The following TAF3 variants were observed in gnomAD, a reference collection of about 807,000 sequenced individuals.
TAF3 encodes TATA-box binding protein associated factor 3.
TAF3 carries 7 observed loss-of-function variants against 80.6 expected under a neutral mutation model. The ratio of observed to expected loss-of-function variants is 0.09; its 90% CI spans 0.05 to 0.16. TAF3 has a LOEUF of 0.16. Ranked by LOEUF, TAF3 falls within the 10% of genes least tolerant of loss-of-function variation. The probability of loss-of-function intolerance (pLI) is 1.00; values close to 1 mark genes in which losing one functional copy is unlikely to be tolerated. For synonymous variants in TAF3, 444 were observed against 446.1 expected, an observed-to-expected ratio of 1.00 and a Z score of 0.06; for missense variants, 921 against 1,140.2, an observed-to-expected ratio of 0.81 and a Z score of 2.77.
chr10:7,999,681 T>G lies in TAF3; in HGVS notation c.2316-9397T>G, dbSNP rs563029988. Among the ~76,000 whole-genome samples, 3 of 152,278 alleles carry G rather than the reference T, an allele frequency of 2.0e-5. No individual in the cohort carries two copies. The East Asian group carries it at 5.8e-4, about 29-fold the overall frequency. On this transcript the variant is annotated intron_variant, in intron 4 of 6. Coordinates refer to ENST00000344293, the MANE Select transcript of TAF3 (RefSeq NM_031923.4). ...CATGTTGGCCAGGCTGGTCTCAAAC[T>G]CCTGACCTCAGGCAGTCCTCCTGCC...
chr10:8,008,199 C>T (rs1299455844), intron 4 of TAF3, among the ~76,000 whole-genome samples: 6 of 149,142 alleles, frequency 4.0e-5, no homozygotes, highest in Non-Finnish European at 8.9e-5. Flanking sequence ...TGGGTTCAAG[C>T]GATTCTCCTG....
intron 2 of TAF3, among the ~76,000 whole-genome samples, chr10:7,951,448 C>T (rs967734588): frequency 5.9e-5 from 9 of 152,176 alleles, no homozygotes; most frequent in Non-Finnish European, 1.0e-4. Flanking sequence ...TTCATCACCC[C>T]GCAGGCTAAC....
rs1207762349 is a variant in TAF3 at position 8,009,301 on chromosome 10, G to A, written c.2539G>A (p.Val847Met). Residue 847 changes from valine (V) to methionine (M), a missense_variant, in exon 5 of 7, where the codon GTG (valine) becomes ATG (methionine). By Grantham distance (21) the Val-to-Met change is conservative. This residue lies in a region of TAF3 where 27 missense variants were observed against 42.5 expected (regional missense o/e 0.64). Coordinates refer to ENST00000344293, the MANE Select transcript of TAF3 (RefSeq NM_031923.4). The surrounding 1 kb of genome is among the most constrained non-coding windows in gnomAD (Gnocchi z 4.1). ...CAGTGCCAAAGCCCCCGTGCGCAGC[G>A]TGGTGACTGAGACGGTCAGCACCTA... ...GASAKAPVRSVVTETVSTYVI... is the reference protein window; with the variant it reads ...GASAKAPVRSMVTETVSTYVI... 6.3e-7 allele frequency: 1 copy of A among 1,590,112 alleles called. No individual in the cohort carries two copies. The highest frequency in any genetic ancestry group is 1.7e-5 in the Admixed American group (1 of 57,816).
chr10:7,957,524 C>T (rs113837510), intron 2 of TAF3, among the ~76,000 whole-genome samples: 2 of 152,046 alleles, frequency 1.3e-5, no homozygotes, highest in Non-Finnish European at 2.9e-5. Flanking sequence ...TTTCAGAATA[C>T]TCTCAAGATA....
intron 4 of TAF3, among the ~76,000 whole-genome samples, chr10:8,006,178 ATACACACACAC>A (rs1351241575): frequency 2.7e-5 from 3 of 111,754 alleles, no homozygotes; most frequent in African/African-American, 1.1e-4. Flanking sequence ...GAAAAAAAAA[ATACACACACAC>A]ACACACACAC....
chr10:7,885,332 T>C (rs904865549), intron 2 of TAF3, among the ~76,000 whole-genome samples: 4 of 151,904 alleles, frequency 2.6e-5, no homozygotes, highest in African/African-American at 7.3e-5. Context: ...GTTAGTGAGG[T>C]TATTTATTTG....
At chr10:7,884,967 A>G (rs1044771739) in intron 2 of TAF3, among the ~76,000 whole-genome samples, 5 of 151,374 alleles carry the variant, frequency 3.3e-5, no homozygotes, top group African/African-American at 1.2e-4. Flanking sequence ...ACCCATACCA[A>G]TATATCTGGA....
rs377460073 is a variant in TAF3, at chr10:7,964,248, G to A, written c.738G>A (p.Pro246=). 5.3e-5 allele frequency: 86 copies of A among 1,614,028 alleles called. No individual in the cohort carries two copies. The highest frequency in any genetic ancestry group is 1.1e-4 in the African/African-American group (8 of 74,902). The change falls in exon 3 of 7, where the codon CCG becomes CCA. Residue 246 remains proline (P), a synonymous_variant. Coordinates refer to ENST00000344293, the MANE Select transcript of TAF3 (RefSeq NM_031923.4). The surrounding 1 kb of genome is among the most constrained non-coding windows in gnomAD (Gnocchi z 4.1). ...ACTTGGCACCTCCCTCACCCGAGCC[G>A]CCAATGTTGGCTCCAGTTGCAAAAT... ...STDLAPPSPE[P]PMLAPVAKSQ...
At chr10:7,826,141 A>G (rs1836738569) in intron 2 of TAF3, among the ~76,000 whole-genome samples, 1 of 152,190 alleles carries the variant, frequency 6.6e-6, no homozygotes. Context: ...TACTGGACCT[A>G]AGTGGTAGGG....
intron 2 of TAF3, among the ~76,000 whole-genome samples, chr10:7,931,471 A>G (rs1314067786): frequency 6.6e-6 from 1 of 152,016 alleles, no homozygotes; most frequent in African/African-American, 2.4e-5. Flanking sequence ...GTGACATTGC[A>G]TCTCGGGGAA....
At position 7,818,755 on chromosome 10, in the gene TAF3, C is replaced by A; in HGVS notation, c.46C>A (p.Gln16Lys). ...SRSLLRVSVA[Q>K]ICQALGWDSV... ...GTCGTTGTTGAGGGTCTCGGTGGCG[C>A]AGATCTGCCAGGCGCTGGGCTGGGA... is the stretch of plus-strand genomic sequence containing the variant. Residue 16 changes from glutamine (Q) to lysine (K), a missense_variant, in exon 1 of 7, where the codon CAG becomes AAG. Gln to Lys is a moderately conservative substitution (Grantham distance 53). Transcript: ENST00000344293. The A allele has an allele frequency of 6.3e-7, 1 of 1,577,860 alleles. No homozygotes were observed. Among genetic ancestry groups the A allele is most frequent in the Non-Finnish European group, 8.6e-7 (1 of 1,166,984 alleles).
chr10:7,935,276 A>G (rs1837906370), intron 2 of TAF3, among the ~76,000 whole-genome samples: 1 of 56,654 alleles, frequency 1.8e-5, no homozygotes, highest in African/African-American at 4.3e-5. Flanking sequence ...CTCTGTTTCT[A>G]AATAAATAAA....
chr10:7,894,884 G>A (rs909737469), intron 2 of TAF3, among the ~76,000 whole-genome samples: 1 of 151,938 alleles, frequency 6.6e-6, no homozygotes, highest in Non-Finnish European at 1.5e-5. Flanking sequence ...TGTTGTTGTT[G>A]TTGTGGATTT....
intron 2 of TAF3, among the ~76,000 whole-genome samples, chr10:7,910,763 A>G (rs1837650111): frequency 6.6e-6 from 1 of 152,226 alleles, no homozygotes; most frequent in Non-Finnish European, 1.5e-5. Flanking sequence ...GCTACTAACT[A>G]AAAGACAGGA....
intron 4 of TAF3, among the ~76,000 whole-genome samples, chr10:8,008,677 C>T (rs1832020094): frequency 6.6e-6 from 1 of 152,190 alleles, no homozygotes. Flanking sequence ...CAGGTCCTCT[C>T]CAGCTGGAGC....
intron 2 of TAF3, among the ~76,000 whole-genome samples, chr10:7,919,744 T>TA (rs1448971038): frequency 6.6e-6 from 1 of 152,200 alleles, no homozygotes; most frequent in Non-Finnish European, 1.5e-5. Context: ...ATACTGTTTT[T>TA]ATTGCTATTA....
chr10:7,917,170 A>G (rs1837719252), intron 2 of TAF3, among the ~76,000 whole-genome samples: 1 of 152,276 alleles, frequency 6.6e-6, no homozygotes, highest in Non-Finnish European at 1.5e-5. Flanking sequence ...GACAGACAAT[A>G]TAAAAGTAAA....
chr10:7,994,336 A>G (rs888480962), intron 4 of TAF3, among the ~76,000 whole-genome samples: 2 of 151,972 alleles, frequency 1.3e-5, no homozygotes, highest in Admixed American at 6.6e-5. Context: ...CTGATGATGA[A>G]TGGTGTTTAG....
intron 2 of TAF3, among the ~76,000 whole-genome samples, chr10:7,885,868 T>A (rs1372161263): frequency 6.6e-6 from 1 of 152,184 alleles, no homozygotes; most frequent in Non-Finnish European, 1.5e-5. Context: ...TTTGATTACC[T>A]GTTTTTAGGG....
Sources: gnomAD v4.1 joint callset for allele counts (sites outside exome capture counted in the v4.1 genomes callset) on GRCh38, gnomAD v4.1.1 for gene constraint, gnomAD v4.1.1 regional missense constraint, Gnocchi (gnomAD v3.1) non-coding constraint, MANE v1.5 for transcripts, NCBI Gene and HGNC (gene_info 2026-07-23, HGNC 2026-07-21) for gene names.